Variants in ABHD17C observed in about 807,000 individuals in gnomAD.
ABHD17C encodes the protein alpha/beta hydrolase domain-containing protein 17C.
In ABHD17C, 11 loss-of-function variants were observed where a neutral mutation model predicts 27.9. The ratio of observed to expected loss-of-function variants is 0.39; its 90% CI spans 0.25 to 0.65. The LOEUF is 0.65. Ranked by LOEUF, ABHD17C falls within the 30% of genes least tolerant of loss-of-function variation. ABHD17C has a pLI of 0.45. For synonymous variants in ABHD17C, 233 were observed against 209.1 expected, an observed-to-expected ratio of 1.11 and a Z score of -0.98; for missense variants, 280 against 470.2, an observed-to-expected ratio of 0.60 and a Z score of 3.74.
chr15:80,720,131 G>C (rs1480372769), intron 1 of ABHD17C, among the ~76,000 whole-genome samples: 1 of 152,132 alleles, frequency 6.6e-6, no homozygotes, highest in Non-Finnish European at 1.5e-5. Flanking sequence ...GAAAAGGATC[G>C]TGGGGTTTCA....
At chr15:80,709,446 G>A (rs544875605) in intron 1 of ABHD17C, among the ~76,000 whole-genome samples, 27 of 149,952 alleles carry the variant, frequency 1.8e-4, no homozygotes, top group Non-Finnish European at 3.7e-4. Flanking sequence ...CTGGGATTAC[G>A]CCACTGCACT....
intron 1 of ABHD17C, among the ~76,000 whole-genome samples, chr15:80,733,335 C>G (rs148323919): frequency 6.6e-6 from 1 of 152,162 alleles, no homozygotes; most frequent in African/African-American, 2.4e-5. Context: ...AGCAGGCTCA[C>G]TTGCTCTCAG....
At chr15:80,737,809 G>A (rs75604867) in intron 1 of ABHD17C, among the ~76,000 whole-genome samples, 14,317 of 152,150 alleles carry the variant, frequency 0.094, 899 homozygotes, top group Middle Eastern at 0.19. Context: ...GAGCCAGTGA[G>A]GGAAGAGCCT....
intron 1 of ABHD17C, among the ~76,000 whole-genome samples, chr15:80,705,333 T>TTTTGTGTGTGTGTGTGTGTGTGTGTG (rs10523879): frequency 4.7e-5 from 5 of 106,888 alleles, no homozygotes; most frequent in African/African-American, 1.4e-4. Flanking sequence ...TTCCTATGAT[T>TTTTGTGTGTGTGTGTGTGTGTGTGTG]TGTGTGTGTG....
At chr15:80,726,327 C>T (rs4778621) in intron 1 of ABHD17C, among the ~76,000 whole-genome samples, 142,384 of 152,160 alleles carry the variant, frequency 0.94, 66,665 homozygotes, top group East Asian at 0.98. Context: ...ATTTTGTTTA[C>T]GGCCAGTTTT....
At chr15:80,720,936 AT>A (rs1300326177) in intron 1 of ABHD17C, among the ~76,000 whole-genome samples, 1 of 148,564 alleles carries the variant, frequency 6.7e-6, no homozygotes, top group Non-Finnish European at 1.5e-5. Context: ...AAAAAAAAAA[AT>A]ATTAATTTAT....
intron 1 of ABHD17C, among the ~76,000 whole-genome samples, chr15:80,746,070 G>A (rs898485352): frequency 1.2e-4 from 18 of 152,288 alleles, no homozygotes; most frequent in African/African-American, 4.3e-4. Flanking sequence ...CAGTGAATGA[G>A]CATTCTTGTA....
At chr15:80,751,708 TAC>T (rs1895368846) in intron 2 of ABHD17C, among the ~76,000 whole-genome samples, 1 of 152,208 alleles carries the variant, frequency 6.6e-6, no homozygotes, top group African/African-American at 2.4e-5. Context: ...GAGCTAGGAT[TAC>T]ACTATTGCAC....
intron 1 of ABHD17C, among the ~76,000 whole-genome samples, chr15:80,745,578 G>GCTGGTCTCAAATTA (rs1168050981): frequency 6.6e-6 from 1 of 151,862 alleles, no homozygotes; most frequent in Non-Finnish European, 1.5e-5. Flanking sequence ...TTTTGCTCAG[G>GCTGGTCTCAAATTA]CTGGTCTCAA....
intron 1 of ABHD17C, among the ~76,000 whole-genome samples, chr15:80,726,426 T>C (rs921226381): frequency 1.3e-5 from 2 of 152,084 alleles, no homozygotes; most frequent in Non-Finnish European, 2.9e-5. Context: ...TTAGAAAAGA[T>C]TTTTCTGCAT....
In ABHD17C at chr15:80,726,535, G is replaced by A. The variant is rs1323266079; in HGVS notation, c.591-22978G>A. 4.0e-5 allele frequency among the ~76,000 whole-genome samples: 5 copies of A among 124,182 alleles called. No individual in the cohort carries two copies. The East Asian group carries it at 7.7e-4, about 19-fold the overall frequency. 81.5% of individuals were successfully genotyped at this position (124,182 alleles called of 152,430 possible). On this transcript the variant is annotated intron_variant, in intron 1 of 2. Coordinates refer to ENST00000258884, the MANE Select transcript of ABHD17C (RefSeq NM_021214.2). Reference sequence around the variant, plus strand: ...TTTTTTTTTTTTTTTTTTTTGAGACGGAGCCTTGCTCTGTCGCCTAGGCTG... The same window carrying A: ...TTTTTTTTTTTTTTTTTTTTGAGACAGAGCCTTGCTCTGTCGCCTAGGCTG...
In ABHD17C at chr15:80,695,453, G is replaced by A; in HGVS notation, c.24G>A (p.Met8Ile). 1 of 1,369,376 alleles carries A rather than the reference G, an allele frequency of 7.3e-7. No homozygotes were observed. Among genetic ancestry groups the A allele is most frequent in the Non-Finnish European group, 9.5e-7 (1 of 1,048,340 alleles). The allele number at this position is 1,369,376 out of a possible 1,614,324, so 84.8% of individuals were successfully genotyped here. A position where few individuals can be genotyped will look rare whatever the true frequency, so the allele number is the denominator to read the frequency against. ...CGATGCCCGAGCCAGGCCCCAGGAT[G>A]AACGGCTTCTCGCTGGGTGAGCTGT... MPEPGPR[M>I]NGFSLGELCW... The change falls in exon 1 of 3, where the codon ATG (methionine) becomes ATA (isoleucine). Residue 8 changes from methionine (M) to isoleucine (I), a missense_variant. Met to Ile is a conservative substitution (Grantham distance 10, BLOSUM62 1). Around this residue, in one of 2 missense-constraint regions of ABHD17C, gnomAD observed 74 missense variants for 75.5 expected, o/e 0.98. Coordinates refer to ENST00000258884, the MANE Select transcript of ABHD17C (RefSeq NM_021214.2). This position sits in a 1 kb window ranked among gnomAD's most constrained non-coding sequence, Gnocchi z 4.3.
chr15:80,704,077 G>A (rs1894610114), intron 1 of ABHD17C, among the ~76,000 whole-genome samples: 2 of 152,218 alleles, frequency 1.3e-5, no homozygotes, highest in Admixed American at 1.3e-4. Context: ...ACTGCAGAAA[G>A]CAAAGCAGTG....
rs146877484 is a variant in ABHD17C, at chr15:80,754,352, C to T, written c.972C>T (p.His324=). 1,094 of 1,612,924 alleles carry T rather than the reference C, an allele frequency of 6.8e-4. 2 individuals carry two copies. Among genetic ancestry groups the T allele is most frequent in the African/African-American group, 5.8e-3 (438 of 75,036 alleles). The part of the protein sequence containing the change: ...YLERLKQFIS[H]ELPNS ...AAAGACTAAAACAGTTCATATCTCA[C>T]GAACTTCCTAATTCCTGAAGACAAC... The change falls in exon 3 of 3, where the codon CAC becomes CAT. Residue 324 remains histidine, a synonymous_variant. Coordinates refer to ENST00000258884, the MANE Select transcript of ABHD17C (RefSeq NM_021214.2).
chr15:80,695,579 C>G lies in ABHD17C; in HGVS notation c.150C>G (p.Arg50=). Residue 50 remains arginine, a synonymous_variant, in exon 1 of 3, where the codon CGC becomes CGG. Transcript: ENST00000258884. The surrounding 1 kb of genome is among the most constrained non-coding windows in gnomAD (Gnocchi z 4.3). ...PTYTVLAPEQ[R]GAGASAPAPA... Reference sequence around the variant, plus strand: ...ACACGGTGCTGGCGCCGGAGCAGCGCGGCGCCGGCGCGTCCGCCCCGGCCC... The same window carrying G: ...ACACGGTGCTGGCGCCGGAGCAGCGGGGCGCCGGCGCGTCCGCCCCGGCCC... 8.9e-7 allele frequency: 1 copy of G among 1,120,544 alleles called. No individual in the cohort carries two copies. Among genetic ancestry groups the G allele is most frequent in the Non-Finnish European group, 1.1e-6 (1 of 915,256 alleles). 69.4% of individuals were successfully genotyped at this position (1,120,544 alleles called of 1,614,324 possible).
chr15:80,753,826 C>T (rs1302360440), intron 2 of ABHD17C, among the ~76,000 whole-genome samples: 1 of 152,042 alleles, frequency 6.6e-6, no homozygotes, highest in African/African-American at 2.4e-5. Flanking sequence ...CAAGAAAAAG[C>T]CAAACTGTTA....
At chr15:80,724,062 G>A (rs1213351103) in intron 1 of ABHD17C, among the ~76,000 whole-genome samples, 1 of 152,118 alleles carries the variant, frequency 6.6e-6, no homozygotes, top group Non-Finnish European at 1.5e-5. Flanking sequence ...AATTAGCTGG[G>A]TGTGGTGGTG....
chr15:80,745,594 T>C (rs1366688398), intron 1 of ABHD17C, among the ~76,000 whole-genome samples: 1 of 152,108 alleles, frequency 6.6e-6, no homozygotes, highest in Non-Finnish European at 1.5e-5. Context: ...CTCAAACTAC[T>C]GGTCTCAAGT....
intron 1 of ABHD17C, among the ~76,000 whole-genome samples, chr15:80,723,367 C>T (rs911140194): frequency 1.3e-5 from 2 of 152,158 alleles, no homozygotes; most frequent in Non-Finnish European, 2.9e-5. Context: ...TGCAGGTGAA[C>T]TTCTCCATGG....
Sources: gnomAD v4.1 joint callset for allele counts (sites outside exome capture counted in the v4.1 genomes callset) on GRCh38, gnomAD v4.1.1 for gene constraint, gnomAD v4.1.1 regional missense constraint, Gnocchi (gnomAD v3.1) non-coding constraint, MANE v1.5 for transcripts, NCBI Gene and HGNC (gene_info 2026-07-23, HGNC 2026-07-21) for gene names.